MACROD2: variants seen among roughly 807,000 people sequenced by gnomAD.
MACROD2 encodes ADP-ribose glycohydrolase MACROD2.
In MACROD2, 36 loss-of-function variants were observed where a neutral mutation model predicts 70.4. That is an observed-to-expected ratio of 0.51 (90% CI 0.39 to 0.68). MACROD2 has a LOEUF of 0.68. Ranked by LOEUF, MACROD2 falls within the 30% of genes least tolerant of loss-of-function variation. The pLI is 0.00. For synonymous variants in MACROD2, 172 were observed against 178.8 expected (o/e 0.96, Z 0.30); for missense variants, 496 against 538.4 (o/e 0.92, Z 0.78).
chr20:15,759,512 A>G (rs1474220868), intron 8 of MACROD2, among the ~76,000 whole-genome samples: 1 of 152,210 alleles, frequency 6.6e-6, no homozygotes, highest in Non-Finnish European at 1.5e-5. Context: ...GTGCAATTAC[A>G]TGTTCACTTA....
At chr20:14,492,509 C>T (rs1233541353) in intron 3 of MACROD2, among the ~76,000 whole-genome samples, 2 of 152,062 alleles carry the variant, frequency 1.3e-5, no homozygotes, top group African/African-American at 2.4e-5. Context: ...ATATTTGCAC[C>T]TCTTAAATTA....
chr20:14,439,469 C>T (rs1174600843), intron 3 of MACROD2, among the ~76,000 whole-genome samples: 1 of 151,994 alleles, frequency 6.6e-6, no homozygotes, highest in Non-Finnish European at 1.5e-5. Context: ...TTTTAGTCCA[C>T]TAGTATTATT....
At chr20:14,717,943 A>G (rs1002676417) in intron 5 of MACROD2, among the ~76,000 whole-genome samples, 31 of 152,098 alleles carry the variant, frequency 2.0e-4, no homozygotes, top group African/African-American at 6.8e-4. Flanking sequence ...AGGTGGTGCT[A>G]TTAAAACAAA....
chr20:15,878,157 T>G (rs74885800), intron 9 of MACROD2, among the ~76,000 whole-genome samples: 2 of 152,046 alleles, frequency 1.3e-5, no homozygotes, highest in East Asian at 3.9e-4. Context: ...GGTAGCTGAG[T>G]GACTTCAAGC....
intron 4 of MACROD2, among the ~76,000 whole-genome samples, chr20:14,662,101 G>A (rs1165875654): frequency 1.3e-5 from 2 of 151,870 alleles, no homozygotes; most frequent in African/African-American, 4.8e-5. Context: ...TGGGACAATT[G>A]GCAAAGTTCT....
At chr20:15,006,503 A>G (rs899739903) in intron 5 of MACROD2, among the ~76,000 whole-genome samples, 28 of 152,148 alleles carry the variant, frequency 1.8e-4, no homozygotes, top group African/African-American at 5.6e-4. Context: ...CCCACCACAA[A>G]AAAAGGTAAC....
At chr20:15,916,934 G>A (rs2065326707) in intron 10 of MACROD2, among the ~76,000 whole-genome samples, 1 of 152,066 alleles carries the variant, frequency 6.6e-6, no homozygotes, top group Non-Finnish European at 1.5e-5. Context: ...GGACCAGATG[G>A]GAAATATTTT....
chr20:14,705,244 G>A (rs930526366), intron 5 of MACROD2, among the ~76,000 whole-genome samples: 8 of 151,784 alleles, frequency 5.3e-5, no homozygotes, highest in African/African-American at 7.3e-5. Flanking sequence ...ACATCTCTCC[G>A]TTCGTCTCAC....
chr20:14,868,909 G>A (rs1234318762), intron 5 of MACROD2, among the ~76,000 whole-genome samples: 1 of 152,128 alleles, frequency 6.6e-6, no homozygotes, highest in Non-Finnish European at 1.5e-5. Context: ...TCTCTCCTGT[G>A]GTTCTTGGTC....
chr20:15,785,625 G>A (rs73900239), intron 8 of MACROD2, among the ~76,000 whole-genome samples: 2,352 of 152,128 alleles, frequency 0.015, 66 homozygotes, highest in African/African-American at 0.054. Flanking sequence ...TGAGGTGAAG[G>A]GGTGTCAAGG....
chr20:14,115,251 C>T (rs565286174), intron 3 of MACROD2, among the ~76,000 whole-genome samples: 1 of 152,136 alleles, frequency 6.6e-6, no homozygotes, highest in East Asian at 1.9e-4. Context: ...CTATTACCAT[C>T]ACTGTCACTG....
chr20:15,032,536 C>T (rs1220657291), intron 5 of MACROD2, among the ~76,000 whole-genome samples: 2 of 152,208 alleles, frequency 1.3e-5, no homozygotes, highest in East Asian at 3.8e-4. Context: ...CCACACTTCA[C>T]CCTGAACTAT....
chr20:14,438,929 T>A (rs371817003), intron 3 of MACROD2, among the ~76,000 whole-genome samples: 1 of 110,082 alleles, frequency 9.1e-6, no homozygotes, highest in African/African-American at 2.6e-5. Context: ...CATTTATTTA[T>A]TTTTGATTTT....
chr20:15,680,811 C>A (rs1367030972), intron 8 of MACROD2, among the ~76,000 whole-genome samples: 4 of 152,026 alleles, frequency 2.6e-5, no homozygotes, highest in Admixed American at 2.0e-4. Context: ...GATATCATAA[C>A]AATAGAACAT....
At chr20:15,816,200 G>A (rs1044525845) in intron 8 of MACROD2, among the ~76,000 whole-genome samples, 1 of 152,098 alleles carries the variant, frequency 6.6e-6, no homozygotes, top group African/African-American at 2.4e-5. Context: ...ATGGTAGGAA[G>A]GTCAATGAAT....
chr20:15,523,728 G>A (rs1055627503), intron 8 of MACROD2, among the ~76,000 whole-genome samples: 1 of 152,154 alleles, frequency 6.6e-6, no homozygotes, highest in Non-Finnish European at 1.5e-5. Context: ...GTGAAAACCT[G>A]CCCAGGTCTC....
intron 3 of MACROD2, chr20:14,329,064 A>C (rs1477360006): frequency 6.6e-6 from 1 of 151,976 alleles, no homozygotes; most frequent in Admixed American, 6.6e-5. Flanking sequence ...GTTACCCCCT[A>C]CCTTTATTCC....
At chr20:14,159,320 G>C (rs1382339169) in intron 3 of MACROD2, among the ~76,000 whole-genome samples, 2 of 152,116 alleles carry the variant, frequency 1.3e-5, no homozygotes, top group Non-Finnish European at 2.9e-5. Context: ...ATTGTTTTGG[G>C]CATTATGGTC....
rs139582688 is a variant in MACROD2 at position 15,968,356 on chromosome 20, T to C, written c.985+726T>C. On this transcript the variant is annotated intron_variant, in intron 13 of 17. Coordinates refer to ENST00000684519, the MANE Select transcript of MACROD2 (RefSeq NM_001351661.2). ...CCATAGTTAATGAAGTTATTATTTA[T>C]ACATGAAATCAGAGCAATATTTTCT... Among the ~76,000 whole-genome samples, 657 of 152,210 alleles carry C rather than the reference T, an allele frequency of 4.3e-3. 1 individual carries two copies. Among genetic ancestry groups the C allele is most frequent in the Non-Finnish European group, 6.2e-3 (421 of 68,018 alleles).
Sources: allele counts gnomAD v4.1 joint callset (sites outside exome capture counted in the v4.1 genomes callset), GRCh38; gene constraint gnomAD v4.1.1; transcripts MANE v1.5; gene names NCBI Gene and HGNC (gene_info 2026-07-23, HGNC 2026-07-21).